MFAP3: variants seen among roughly 807,000 people sequenced by gnomAD.
The protein encoded by MFAP3 is microfibril-associated glycoprotein 3.
MFAP3 carries 8 observed loss-of-function variants against 20.5 expected under a neutral mutation model. The observed-to-expected ratio is 0.39, with a 90% CI of 0.23 to 0.70. The LOEUF (loss-of-function observed/expected upper bound fraction) is 0.70, where lower values mean the gene tolerates loss of function less well. Ranked by LOEUF, MFAP3 falls within the 30% of genes least tolerant of loss-of-function variation. The pLI, the probability that MFAP3 is intolerant of heterozygous loss-of-function variation, is 0.44. For synonymous variants in MFAP3, 140 were observed against 154.0 expected (o/e 0.91, Z 0.67); for missense variants, 398 against 444.6 (o/e 0.90, Z 0.94).
At position 154,053,194 on chromosome 5, in the gene MFAP3, T is replaced by C. The variant is rs547040732; in HGVS notation, c.570T>C (p.Thr190=). The stretch of plus-strand genomic sequence containing the variant: ...AGGCTATCAATGAGTTCTTTAGAAC[T>C]GAAGGGGCTGAGAAACTTCAGAAGG... The part of the protein sequence containing the change: ...TEKAINEFFR[T]EGAEKLQKAF... Residue 190 remains threonine, a synonymous_variant, in exon 3 of 3, where the codon ACT becomes ACC. Transcript: ENST00000522782. 4.2e-5 allele frequency: 68 copies of C among 1,613,960 alleles called. 1 individual carries two copies. In the South Asian group the frequency reaches 7.2e-4, roughly 17 times the overall value.
At chr5:154,042,735 A>G (rs934790501) in intron 1 of MFAP3, among the ~76,000 whole-genome samples, 6 of 152,152 alleles carry the variant, frequency 3.9e-5, no homozygotes, top group Non-Finnish European at 8.8e-5. Context: ...TCCAAGTGTG[A>G]CAGTGCAGGC....
chr5:154,044,940 A>G (rs1309477486), intron 1 of MFAP3, among the ~76,000 whole-genome samples: 1 of 148,280 alleles, frequency 6.7e-6, no homozygotes, highest in African/African-American at 2.5e-5. Flanking sequence ...CTTTTTTTAA[A>G]AAAAAAAAAG....
At chr5:154,041,524 A>G (rs1456040123) in intron 1 of MFAP3, among the ~76,000 whole-genome samples, 4 of 152,236 alleles carry the variant, frequency 2.6e-5, no homozygotes, top group Non-Finnish European at 5.9e-5. Flanking sequence ...CCTGCAAGCA[A>G]TTATCGTACA....
rs367666361 is a variant in MFAP3 at position 154,048,645 on chromosome 5, A to G, written c.-166-912A>G. ...GGGGAGTCAAATTACCAGGAAGGTG[A>G]TCATAAATACATAGACTTTTGGACT... On this transcript the variant is annotated intron_variant, in intron 1 of 2. Coordinates refer to ENST00000522782, the MANE Select transcript of MFAP3 (RefSeq NM_005927.5). Among the ~76,000 whole-genome samples the G allele has an allele frequency of 7.2e-5, 11 of 152,296 alleles. No homozygotes were observed. In the East Asian group the frequency reaches 1.2e-3, roughly 16 times the overall value.
At chr5:154,048,374 T>G (rs1773110506) in intron 1 of MFAP3, among the ~76,000 whole-genome samples, 1 of 152,234 alleles carries the variant, frequency 6.6e-6, no homozygotes, top group African/African-American at 2.4e-5. Context: ...GGTTAATTAA[T>G]GAAAATTAAA....
intron 2 of MFAP3, among the ~76,000 whole-genome samples, chr5:154,051,237 C>G (rs1360145217): frequency 2.0e-5 from 3 of 152,180 alleles, no homozygotes; most frequent in Non-Finnish European, 2.9e-5. Flanking sequence ...TCTCTGGGCT[C>G]TACGATATCC....
intron 1 of MFAP3, among the ~76,000 whole-genome samples, chr5:154,039,884 A>G (rs945147313): frequency 6.6e-6 from 1 of 152,198 alleles, no homozygotes; most frequent in African/African-American, 2.4e-5. Flanking sequence ...GATAAGAGTA[A>G]TTGTCACTTC....
intron 1 of MFAP3, among the ~76,000 whole-genome samples, chr5:154,046,667 C>T (rs1179446327): frequency 6.6e-6 from 1 of 152,170 alleles, no homozygotes; most frequent in Non-Finnish European, 1.5e-5. Context: ...GGGAGTTATG[C>T]TTTGCCAAGC....
intron 1 of MFAP3, among the ~76,000 whole-genome samples, chr5:154,039,775 A>T (rs1772869221): frequency 1.3e-5 from 2 of 152,218 alleles, no homozygotes; most frequent in African/African-American, 4.8e-5. Flanking sequence ...TGTACAGATA[A>T]GAAAAACTGA....
intron 1 of MFAP3, among the ~76,000 whole-genome samples, chr5:154,048,738 C>T (rs1242782216): frequency 6.6e-6 from 1 of 152,120 alleles, no homozygotes; most frequent in East Asian, 1.9e-4. Context: ...CAATCTGTCC[C>T]TGTAGTTTTA....
Position 154,054,210 on chromosome 5 carries a change from G to T in MFAP3, c.*497G>T. 5.9e-6 allele frequency: 1 copy of T among 168,422 alleles called. No individual in the cohort carries two copies. Among genetic ancestry groups the T allele is most frequent in the Non-Finnish European group, 1.4e-5 (1 of 69,078 alleles). 10.4% of individuals were successfully genotyped at this position (168,422 alleles called of 1,614,324 possible). A position where few individuals can be genotyped will look rare whatever the true frequency, so the allele number is the denominator to read the frequency against. On this transcript the variant is annotated 3_prime_UTR_variant, in exon 3 of 3. Coordinates refer to ENST00000522782, the MANE Select transcript of MFAP3 (RefSeq NM_005927.5). The stretch of plus-strand genomic sequence containing the variant: ...GACTTTTACTCGCTTCTTTTGGAAA[G>T]GATTAAGCTGAGATCTAAATTTCCA...
intron 2 of MFAP3, among the ~76,000 whole-genome samples, 164 bp downstream of exon 2, chr5:154,050,181 T>C (rs957867348): frequency 7.2e-5 from 11 of 152,132 alleles, no homozygotes; most frequent in African/African-American, 2.7e-4. Flanking sequence ...TGCAAAGTAA[T>C]TATAATTGTT....
Position 154,049,608 on chromosome 5 carries a change from T to C in MFAP3, c.-115T>C. 5.0e-6 allele frequency: 5 copies of C among 999,510 alleles called. No homozygotes were observed. Among genetic ancestry groups the C allele is most frequent in the Non-Finnish European group, 7.2e-6 (5 of 689,796 alleles). The allele number at this position is 999,510 out of a possible 1,614,324, so 61.9% of individuals were successfully genotyped here. A position where few individuals can be genotyped will look rare whatever the true frequency, so the allele number is the denominator to read the frequency against. Reference sequence around the variant, plus strand: ...GAAGACTAGAAAATATAACTGGATCTACCACTTGTTTGGAAAATTTCTCTA... The same window carrying C: ...GAAGACTAGAAAATATAACTGGATCCACCACTTGTTTGGAAAATTTCTCTA... On this transcript the variant is annotated 5_prime_UTR_variant, in exon 2 of 3. Transcript: ENST00000522782.
chr5:154,051,871 T>C (rs1029735117), intron 2 of MFAP3: 21 of 152,172 alleles, frequency 1.4e-4, no homozygotes, highest in African/African-American at 5.1e-4. Context: ...ACTCAAGTAA[T>C]GCTTAACAAG....
At chr5:154,047,495 AGTTGTGGGGG>A (rs1773093749) in intron 1 of MFAP3, among the ~76,000 whole-genome samples, 2 of 152,046 alleles carry the variant, frequency 1.3e-5, no homozygotes, top group Non-Finnish European at 2.9e-5. Flanking sequence ...AATAAACTGG[AGTTGTGGGGG>A]GCTTTTTGTT....
chr5:154,053,457 A>C lies in MFAP3; in HGVS notation c.833A>C (p.Asn278Thr). ...GERIKERPAL[N>T]AQGGIYVINP... is the part of the protein sequence containing the mutation. ...AGAATTAAAGAGAGACCTGCCTTGA[A>C]TGCTCAAGGTGGCATCTATGTCATT... The change falls in exon 3 of 3, where the codon AAT (asparagine) becomes ACT (threonine). Residue 278 changes from asparagine to threonine, a missense_variant. By Grantham distance (65) the Asn-to-Thr change is moderately conservative (BLOSUM62 0). Transcript: ENST00000522782. 1 of 1,613,970 alleles carries C rather than the reference A, an allele frequency of 6.2e-7. No individual in the cohort carries two copies. The highest frequency in any genetic ancestry group is 1.1e-5 in the South Asian group (1 of 91,076).
Position 154,049,766 on chromosome 5 carries a change from T to C in MFAP3, c.44T>C (p.Ile15Thr). 1.2e-6 allele frequency: 2 copies of C among 1,613,670 alleles called. No individual in the cohort carries two copies. Among genetic ancestry groups the C allele is most frequent in the Non-Finnish European group, 1.7e-6 (2 of 1,179,686 alleles). ...TTATTCACTTTAGTGGCAAGTATTA[T>C]TGTGCCAGCTGCTTTTGTTTTGGAA... ...CCLFTLVASIIVPAAFVLEDV... is the reference protein window; with the variant it reads ...CCLFTLVASITVPAAFVLEDV... The change falls in exon 2 of 3, where the codon ATT (isoleucine) becomes ACT (threonine). Residue 15 changes from isoleucine (I) to threonine (T), a missense_variant. Physicochemically the swap from Ile to Thr is moderately conservative, Grantham distance 89. Coordinates refer to ENST00000522782, the MANE Select transcript of MFAP3 (RefSeq NM_005927.5).
rs1029199151 is a variant in MFAP3 at position 154,039,492 on chromosome 5, G to T, written c.-167+481G>T. Among the ~76,000 whole-genome samples, 61 of 152,302 alleles carry T rather than the reference G, an allele frequency of 4.0e-4. 1 individual carries two copies. Among genetic ancestry groups the T allele is most frequent in the African/African-American group, 1.4e-3 (60 of 41,560 alleles). The stretch of plus-strand genomic sequence containing the variant: ...CAAAGGCCACTGGCTAGAGCAAAAG[G>T]AGCAAGGTGAGAATGGAGAGAGATG... On this transcript the variant is annotated intron_variant, in intron 1 of 2. Transcript: ENST00000522782.
chr5:154,052,664 C>T (rs1773226595), intron 2 of MFAP3, among the ~76,000 whole-genome samples: 1 of 152,018 alleles, frequency 6.6e-6, no homozygotes, highest in Non-Finnish European at 1.5e-5. Flanking sequence ...TGAAGTCTAG[C>T]AGTGAAAAGG....
Sources: allele counts gnomAD v4.1 joint callset (sites outside exome capture counted in the v4.1 genomes callset), GRCh38; gene constraint gnomAD v4.1.1; transcripts MANE v1.5; gene names NCBI Gene and HGNC (gene_info 2026-07-23, HGNC 2026-07-21).